Variants in PRRC2B observed in about 807,000 individuals in gnomAD.
PRRC2B encodes the protein proline rich coiled-coil 2B, also known as protein PRRC2B.
A neutral mutation model predicts 242.3 loss-of-function variants in PRRC2B; 68 were observed. The ratio of observed to expected loss-of-function variants is 0.28; its 90% CI spans 0.23 to 0.34. PRRC2B has a LOEUF of 0.34. Among genes scored for constraint, PRRC2B ranks in the 10% least tolerant of loss-of-function variants. The pLI is 1.00. For synonymous variants in PRRC2B, 1,228 were observed against 1,173.6 expected, an observed-to-expected ratio of 1.05 and a Z score of -0.95; for missense variants, 2,835 against 2,954.8, an observed-to-expected ratio of 0.96 and a Z score of 0.94.
At position 131,482,298 on chromosome 9, in the gene PRRC2B, C is replaced by T. The variant is rs1588278358; in HGVS notation, c.4984-73C>T. 2.1e-6 allele frequency: 3 copies of T among 1,461,012 alleles called. No individual in the cohort carries two copies. The highest frequency in any genetic ancestry group is 4.6e-5 in the East Asian group (2 of 43,158). The allele number at this position is 1,461,012 out of a possible 1,614,324, so 90.5% of individuals were successfully genotyped here. ...CAGCTGGGGTAGAAAAGTCTCTGTG[C>T]CACATGCAGTTTTACTCTCTGGATA... On this transcript the variant is annotated intron_variant, in intron 20 of 31. Coordinates refer to ENST00000683519, the MANE Select transcript of PRRC2B (RefSeq NM_013318.4). The surrounding 1 kb of genome is among the most constrained non-coding windows in gnomAD (Gnocchi z 5.2).
chr9:131,429,030 A>G (rs139872302), intron 1 of PRRC2B, among the ~76,000 whole-genome samples: 1 of 151,880 alleles, frequency 6.6e-6, no homozygotes, highest in Non-Finnish European at 1.5e-5. Context: ...ATCTTGACTC[A>G]CTGCAGCCCA....
chr9:131,397,741 A>G (rs34388803), intron 1 of PRRC2B, among the ~76,000 whole-genome samples: 6,625 of 152,134 alleles, frequency 0.044, 191 homozygotes, highest in South Asian at 0.093. Context: ...TTCTGAATTC[A>G]ATAATGAGGC....
intron 9 of PRRC2B, among the ~76,000 whole-genome samples, chr9:131,450,045 T>C (rs1255221167): frequency 6.6e-6 from 1 of 152,234 alleles, no homozygotes; most frequent in African/African-American, 2.4e-5. Flanking sequence ...GGTCTATTTC[T>C]GGACACTGTT....
chr9:131,412,010 T>C (rs964698882), intron 1 of PRRC2B, among the ~76,000 whole-genome samples: 2 of 152,062 alleles, frequency 1.3e-5, no homozygotes, highest in African/African-American at 4.8e-5. Flanking sequence ...TCTTGCTGTA[T>C]TGCCCAGACT....
chr9:131,426,355 A>AG (rs1373019226), intron 1 of PRRC2B, among the ~76,000 whole-genome samples: 3 of 117,990 alleles, frequency 2.5e-5, no homozygotes, highest in African/African-American at 5.9e-5. Context: ...AAAAAAAAAA[A>AG]AAAAAGAAAA....
chr9:131,428,698 A>G (rs1211243715), intron 1 of PRRC2B, among the ~76,000 whole-genome samples: 1 of 151,660 alleles, frequency 6.6e-6, no homozygotes, highest in Non-Finnish European at 1.5e-5. Flanking sequence ...TGCCCGGCCT[A>G]TTTTAATTTT....
chr9:131,412,797 C>CCT (rs1837539812), intron 1 of PRRC2B, among the ~76,000 whole-genome samples: 2 of 138,020 alleles, frequency 1.4e-5, no homozygotes, highest in Non-Finnish European at 3.1e-5. Flanking sequence ...CTCTCTCTCT[C>CCT]TTTTTTTTTT....
At position 131,474,796 on chromosome 9, in the gene PRRC2B, G is replaced by A; in HGVS notation, c.2667G>A (p.Glu889=). ...TADTAHGVER[E]TPREGTAFNI... ...ACACAGCCCATGGTGTTGAGCGGGA[G>A]ACACCCCGGGAGGGGACGGCCTTTA... Residue 889 remains glutamate (E), a synonymous_variant, in exon 16 of 32, where the codon GAG becomes GAA. Transcript: ENST00000683519. The A allele has an allele frequency of 6.2e-7, 1 of 1,612,658 alleles. No homozygotes were observed. The highest frequency in any genetic ancestry group is 1.3e-5 in the African/African-American group (1 of 75,028).
At chr9:131,427,617 A>G (rs1192270344) in intron 1 of PRRC2B, among the ~76,000 whole-genome samples, 1 of 152,166 alleles carries the variant, frequency 6.6e-6, no homozygotes, top group Non-Finnish European at 1.5e-5. Flanking sequence ...GGAGTGAGCC[A>G]CCGCACCTGG....
chr9:131,472,471 A>ATTTTTTTTTTTTTT lies in PRRC2B; in HGVS notation c.2108-1027_2108-1014dup, dbSNP rs749051569. Among the ~76,000 whole-genome samples the ATTTTTTTTTTTTTT allele has an allele frequency of 2.2e-5, 2 of 91,522 alleles. 1 individual carries two copies. The allele number at this position is 91,522 out of a possible 152,430, so 60.0% of individuals were successfully genotyped here. Reference sequence around the variant, plus strand: ...AGGCGCCCACCACCACGCCCAGCTAATTTTTTTTTTTTTTTTTTTTTTTGA... The same window carrying ATTTTTTTTTTTTTT: ...AGGCGCCCACCACCACGCCCAGCTAATTTTTTTTTTTTTTTTTTTTTTTTTTTTTTTTTTTTTGA... On this transcript the variant is annotated intron_variant, in intron 14 of 31. Coordinates refer to ENST00000683519, the MANE Select transcript of PRRC2B (RefSeq NM_013318.4).
Position 131,410,523 on chromosome 9 carries a change from C to T in PRRC2B, c.-52+16260C>T, listed in dbSNP as rs190513647. ...GTCGTTCTTCCAGTGCCCAACACTG[C>T]CCAAGTAAGTCTGGATGTCACATCA... On this transcript the variant is annotated intron_variant, in intron 1 of 31. Coordinates refer to ENST00000683519, the MANE Select transcript of PRRC2B (RefSeq NM_013318.4). Among the ~76,000 whole-genome samples, 35 of 152,318 alleles carry T rather than the reference C, an allele frequency of 2.3e-4. No homozygotes were observed. In the East Asian group the frequency reaches 4.0e-3, roughly 18 times the overall value.
upstream of PRRC2B, among the ~76,000 whole-genome samples, chr9:131,392,846 G>A (rs932522893): frequency 2.0e-5 from 3 of 151,384 alleles, no homozygotes; most frequent in Non-Finnish European, 4.4e-5. Context: ...CTAGGAGTTG[G>A]AGGTTGCAGT....
intron 18 of PRRC2B, 30 bp downstream of exon 18, chr9:131,478,649 G>GCCAGGGCC: frequency 2.0e-6 from 1 of 504,556 alleles, no homozygotes; most frequent in Non-Finnish European, 4.0e-6. Context: ...GGGGCATGGG[G>GCCAGGGCC]CTGGAGGGCA....
Position 131,475,705 on chromosome 9 carries a change from T to C in PRRC2B, c.3576T>C (p.Asp1192=). 6.2e-7 allele frequency: 1 copy of C among 1,613,102 alleles called. No individual in the cohort carries two copies. The highest frequency in any genetic ancestry group is 8.5e-7 in the Non-Finnish European group (1 of 1,179,686). The change falls in exon 16 of 32, where the codon GAT becomes GAC. Residue 1192 remains aspartate, a synonymous_variant. Coordinates refer to ENST00000683519, the MANE Select transcript of PRRC2B (RefSeq NM_013318.4). ...GCTCTGAGGACCACAGCGGTCTAGA[T>C]GCCAAGAGCCGAGGCCCTCGGGCCT... ...KGCSEDHSGL[D]AKSRGPRAFG...
chr9:131,411,949 G>GCCA (rs1183175607), intron 1 of PRRC2B, among the ~76,000 whole-genome samples: 1 of 149,734 alleles, frequency 6.7e-6, no homozygotes, highest in Non-Finnish European at 1.5e-5. Flanking sequence ...CCAGGCATGT[G>GCCA]CCACCACACC....
Position 131,446,449 on chromosome 9 carries a change from C to A in PRRC2B, c.662C>A (p.Thr221Lys). 1 of 1,613,906 alleles carries A rather than the reference C, an allele frequency of 6.2e-7. No homozygotes were observed. Among genetic ancestry groups the A allele is most frequent in the Non-Finnish European group, 8.5e-7 (1 of 1,179,884 alleles). The change falls in exon 7 of 32, where the codon ACG becomes AAG. Residue 221 changes from threonine to lysine, a missense_variant. By Grantham distance (78) the Thr-to-Lys change is moderately conservative. Transcript: ENST00000683519. The surrounding 1 kb of genome is among the most constrained non-coding windows in gnomAD (Gnocchi z 4.1). The stretch of plus-strand genomic sequence containing the variant: ...GGTGGGCGACACATAATTTCTGCCA[C>A]GTCTCTGAGCACCTCCCCAACTGAG... ...EGGGRHIISATSLSTSPTELG... is the reference protein window; with the variant it reads ...EGGGRHIISAKSLSTSPTELG...
chr9:131,406,324 C>T (rs1312026781), intron 1 of PRRC2B, among the ~76,000 whole-genome samples: 2 of 152,178 alleles, frequency 1.3e-5, no homozygotes, highest in Non-Finnish European at 2.9e-5. Context: ...AACACCACTG[C>T]GGATGTCTGT....
intron 1 of PRRC2B, among the ~76,000 whole-genome samples, chr9:131,416,113 TC>T (rs1837641315): frequency 6.7e-6 from 1 of 149,526 alleles, no homozygotes; most frequent in Admixed American, 6.6e-5. Context: ...TTCTTTTCTT[TC>T]TTTTTTTTTT....
Position 131,447,166 on chromosome 9 carries a change from C to T in PRRC2B, c.937C>T (p.Arg313Ter). 1 of 1,614,004 alleles carries T rather than the reference C, an allele frequency of 6.2e-7. No individual in the cohort carries two copies. The highest frequency in any genetic ancestry group is 8.5e-7 in the Non-Finnish European group (1 of 1,179,896). The stretch of plus-strand genomic sequence containing the variant: ...CCTTCCTCAGCTCCGCCTTGAACCT[C>T]GAGTTCCTTTTAGACAGTTCCAGAT... ...FPLPQLRLEPRVPFRQFQMND... is the reference protein window; with the variant it reads ...FPLPQLRLEP The change falls in exon 8 of 32, where the codon CGA becomes TGA. Residue 313 changes from arginine (R) to a stop codon, truncating the protein, a stop_gained. Transcript: ENST00000683519. LOFTEE classifies it high-confidence loss of function.
Sources: allele counts gnomAD v4.1 joint callset (sites outside exome capture counted in the v4.1 genomes callset), GRCh38; gene constraint gnomAD v4.1.1; non-coding constraint Gnocchi (gnomAD v3.1); transcripts MANE v1.5; gene names NCBI Gene and HGNC (gene_info 2026-07-23, HGNC 2026-07-21).